Variants in LRRC3B observed in about 807,000 individuals in gnomAD.
The protein encoded by LRRC3B is leucine-rich repeat-containing protein 3B.
Under a neutral mutation model 12.8 loss-of-function variants are expected in LRRC3B, and 2 were observed. The ratio of observed to expected loss-of-function variants is 0.16; its 90% CI spans 0.06 to 0.49. The LOEUF (loss-of-function observed/expected upper bound fraction) is 0.49. Ranked by LOEUF, LRRC3B falls within the 20% of genes least tolerant of loss-of-function variation. LRRC3B has a pLI of 0.96. For synonymous variants in LRRC3B, 132 were observed against 122.0 expected (o/e 1.08, Z -0.54); for missense variants, 189 against 319.4 (o/e 0.59, Z 3.11).
At chr3:26,703,227 A>G (rs1700502030) in intron 1 of LRRC3B, among the ~76,000 whole-genome samples, 1 of 152,228 alleles carries the variant, frequency 6.6e-6, no homozygotes, top group Admixed American at 6.5e-5. Flanking sequence ...TAACCTGATC[A>G]TATAAATAAA....
intron 1 of LRRC3B, among the ~76,000 whole-genome samples, chr3:26,682,693 A>T (rs1699995774): frequency 6.6e-6 from 1 of 152,184 alleles, no homozygotes; most frequent in Non-Finnish European, 1.5e-5. Flanking sequence ...TTTAAGTACC[A>T]CTGGGCCTCT....
intron 1 of LRRC3B, among the ~76,000 whole-genome samples, chr3:26,659,226 C>CA (rs34630203): frequency 6.6e-6 from 1 of 152,156 alleles, no homozygotes; most frequent in Non-Finnish European, 1.5e-5. Flanking sequence ...AACTGAATCA[C>CA]AAAAAGGTTA....
chr3:26,644,202 T>C (rs1699094671), intron 1 of LRRC3B, among the ~76,000 whole-genome samples: 1 of 152,226 alleles, frequency 6.6e-6, no homozygotes, highest in Non-Finnish European at 1.5e-5. Flanking sequence ...AGCTTAGATA[T>C]AGCAGAAATC....
At chr3:26,650,813 C>T (rs978667150) in intron 1 of LRRC3B, among the ~76,000 whole-genome samples, 2 of 152,100 alleles carry the variant, frequency 1.3e-5, no homozygotes, top group East Asian at 1.9e-4. Context: ...ACAAGACTTC[C>T]GTTATCTACT....
chr3:26,688,244 G>T (rs892127022), intron 1 of LRRC3B, among the ~76,000 whole-genome samples: 2 of 152,168 alleles, frequency 1.3e-5, no homozygotes. Context: ...CAGCAGAAAA[G>T]AATGTTCCCT....
At chr3:26,690,280 A>G (rs1225565004) in intron 1 of LRRC3B, among the ~76,000 whole-genome samples, 1 of 152,090 alleles carries the variant, frequency 6.6e-6, no homozygotes, top group African/African-American at 2.4e-5. Context: ...GAAGATTTAC[A>G]TTATCTTGTT....
intron 1 of LRRC3B, among the ~76,000 whole-genome samples, chr3:26,692,582 T>C (rs1575167742): frequency 6.6e-6 from 1 of 152,174 alleles, no homozygotes; most frequent in South Asian, 2.1e-4. Flanking sequence ...CATTGAGCAA[T>C]TACAAAATTT....
At chr3:26,674,898 G>A (rs1254968435) in intron 1 of LRRC3B, among the ~76,000 whole-genome samples, 5 of 152,142 alleles carry the variant, frequency 3.3e-5, no homozygotes, top group South Asian at 2.1e-4. Flanking sequence ...GGTTTTTCCT[G>A]AAGATTTCCC....
In LRRC3B at chr3:26,681,278, A is replaced by C. The variant is rs181459322; in HGVS notation, c.-160-28235A>C. Among the ~76,000 whole-genome samples the C allele has an allele frequency of 2.2e-3, 328 of 152,288 alleles. 2 individuals are homozygous for C. The highest frequency in any genetic ancestry group is 2.5e-3 in the South Asian group (12 of 4,826). ...TAGGTGTTGATTTCGTGGGGAGAAAAATGTGTCCTATTTAATATGTAGTTT... is the reference window on the plus strand; with the variant it reads ...TAGGTGTTGATTTCGTGGGGAGAAACATGTGTCCTATTTAATATGTAGTTT... On this transcript the variant is annotated intron_variant, in intron 1 of 1. Coordinates refer to ENST00000396641, the Ensembl canonical transcript of LRRC3B.
At chr3:26,708,120 T>C (rs1028239916) in intron 1 of LRRC3B, among the ~76,000 whole-genome samples, 1 of 152,200 alleles carries the variant, frequency 6.6e-6, no homozygotes, top group African/African-American at 2.4e-5. Flanking sequence ...GGGATCTTCA[T>C]AAAAGACAAG....
Position 26,707,314 on chromosome 3 carries a change from C to T in LRRC3B, c.-160-2199C>T, listed in dbSNP as rs143658809. Among the ~76,000 whole-genome samples the T allele has an allele frequency of 1.2e-3, 175 of 151,296 alleles. 1 individual carries two copies. The East Asian group carries it at 0.025, about 22-fold the overall frequency. On this transcript the variant is annotated intron_variant, in intron 1 of 1. Transcript: ENST00000396641. ...TGGCAGGCGGAGATTTGCAGTGAGC[C>T]GAGATCACACCACTGCTCTCCAGCC...
chr3:26,678,047 G>A (rs1032443002), intron 1 of LRRC3B, among the ~76,000 whole-genome samples: 3 of 151,954 alleles, frequency 2.0e-5, no homozygotes, highest in East Asian at 1.9e-4. Context: ...AAACTCCTGG[G>A]TTCAAGTGAC....
chr3:26,697,147 T>C (rs1210153334), intron 1 of LRRC3B, among the ~76,000 whole-genome samples: 1 of 152,188 alleles, frequency 6.6e-6, no homozygotes, highest in African/African-American at 2.4e-5. Context: ...ATAGCTTCTG[T>C]AGCAAATTGC....
intron 1 of LRRC3B, among the ~76,000 whole-genome samples, chr3:26,649,062 T>C (rs369869745): frequency 6.6e-6 from 1 of 152,362 alleles, no homozygotes; most frequent in South Asian, 2.1e-4. Context: ...ACAGCTCATT[T>C]AGAGGATTAA....
intron 1 of LRRC3B, among the ~76,000 whole-genome samples, chr3:26,674,651 T>C (rs924761901): frequency 7.9e-5 from 12 of 152,180 alleles, no homozygotes; most frequent in African/African-American, 2.7e-4. Context: ...TGATGGTAAA[T>C]ATATATAATG....
chr3:26,673,997 A>C (rs1311316740), intron 1 of LRRC3B, among the ~76,000 whole-genome samples: 1 of 152,220 alleles, frequency 6.6e-6, no homozygotes, highest in African/African-American at 2.4e-5. Flanking sequence ...ATAATAAAGA[A>C]ACACATAGGC....
At chr3:26,705,008 T>G (rs1198959813) in intron 1 of LRRC3B, among the ~76,000 whole-genome samples, 2 of 152,244 alleles carry the variant, frequency 1.3e-5, no homozygotes, top group African/African-American at 4.8e-5. Context: ...GGTATTTCTC[T>G]GTGAGTTGGT....
At chr3:26,685,486 C>CCTCCCTCTCTCT (rs1277835964) in intron 1 of LRRC3B, among the ~76,000 whole-genome samples, 5 of 49,568 alleles carry the variant, frequency 1.0e-4, no homozygotes, top group African/African-American at 3.7e-4. Context: ...AGACTCTCTC[C>CCTCCCTCTCTCT]CTCTCTCTCT....
intron 1 of LRRC3B, among the ~76,000 whole-genome samples, chr3:26,675,129 G>A (rs889650504): frequency 3.9e-5 from 6 of 152,088 alleles, no homozygotes; most frequent in South Asian, 2.1e-4. Context: ...GGTTCTGCCC[G>A]CCTGATTCTA....
Sources: gnomAD v4.1 joint callset for allele counts (sites outside exome capture counted in the v4.1 genomes callset) on GRCh38, gnomAD v4.1.1 for gene constraint, MANE v1.5 for transcripts, NCBI Gene and HGNC (gene_info 2026-07-23, HGNC 2026-07-21) for gene names.